LCOR: variants seen among roughly 807,000 people sequenced by gnomAD.
LCOR encodes the protein ligand dependent nuclear receptor corepressor, also known as ligand-dependent corepressor.
Under a neutral mutation model 64.4 loss-of-function variants are expected in LCOR, and 14 were observed. The observed-to-expected ratio is 0.22, with a 90% CI of 0.14 to 0.34. The LOEUF is 0.34. LCOR is among the 10% of genes least tolerant of loss of function. The pLI is 1.00. For synonymous variants in LCOR, 643 were observed against 642.5 expected (o/e 1.00, Z -0.01); for missense variants, 1,686 against 1,765.3 (o/e 0.96, Z 0.80).
At chr10:96,837,317 C>A (rs1010533442) in intron 2 of LCOR, among the ~76,000 whole-genome samples, 4 of 151,922 alleles carry the variant, frequency 2.6e-5, no homozygotes, top group African/African-American at 9.7e-5. Context: ...AGTGCAGTGG[C>A]GTGATCTTGG....
chr10:96,846,401 T>TTGG (rs1393415019), intron 2 of LCOR, among the ~76,000 whole-genome samples: 1 of 152,094 alleles, frequency 6.6e-6, no homozygotes, highest in Non-Finnish European at 1.5e-5. Flanking sequence ...CACAGGTGTG[T>TTGG]ACCACCATGC....
chr10:96,920,528 G>GTA (rs1219545765), intron 4 of LCOR, among the ~76,000 whole-genome samples: 4 of 142,036 alleles, frequency 2.8e-5, no homozygotes, highest in Admixed American at 7.1e-5. Context: ...AGATATATGT[G>GTA]TATATATGTA....
intron 2 of LCOR, among the ~76,000 whole-genome samples, chr10:96,845,448 CCTTTTTTTTTTTTTTTTT>C (rs1845611344): frequency 1.5e-5 from 1 of 67,150 alleles, no homozygotes; most frequent in Non-Finnish European, 2.9e-5. Flanking sequence ...ATGGGCTTAT[CCTTTTTTTTTTTTTTTTT>C]TTTTTTTTTT....
chr10:96,921,480 G>A (rs1007119874), intron 4 of LCOR, among the ~76,000 whole-genome samples: 1 of 151,850 alleles, frequency 6.6e-6, no homozygotes, highest in Non-Finnish European at 1.5e-5. Flanking sequence ...TTATTTTTTG[G>A]AGACGGAGTT....
Position 96,982,662 on chromosome 10 carries a change from G to A in LCOR, c.2202G>A (p.Glu734=), listed in dbSNP as rs1848102730. ...ACCAAAGCATCAGTGCTGAGGTTGA[G>A]TCTGGAGACACCCAGGAGCTAAATG... The part of the protein sequence containing the change: ...EDNQSISAEV[E]SGDTQELNVD... Residue 734 remains glutamate, a synonymous_variant, in exon 8 of 8, where the codon GAG becomes GAA. Coordinates refer to ENST00000421806, the MANE Select transcript of LCOR (RefSeq NM_001346516.2). 1.9e-6 allele frequency: 3 copies of A among 1,614,192 alleles called. No homozygotes were observed.
chr10:96,893,744 C>CAG (rs1187158164), intron 2 of LCOR, among the ~76,000 whole-genome samples: 1 of 143,366 alleles, frequency 7.0e-6, no homozygotes, highest in Non-Finnish European at 1.5e-5. Flanking sequence ...GCCTGGGTGA[C>CAG]AGAGCAAGAC....
chr10:96,952,191 G>A lies in LCOR; in HGVS notation c.327G>A (p.Gly109=). ...CTCCAGGCTGCTCCAGTACTCAAGG[G>A]AACGGGTAAGGGAGAATATTTGTAG... ...SHSPGCSSTQ[G]NGENSTEAKA... Residue 109 remains glycine, a synonymous_variant, in exon 7 of 8, where the codon GGG becomes GGA. Transcript: ENST00000421806. 7.5e-6 allele frequency: 12 copies of A among 1,608,652 alleles called. No individual in the cohort carries two copies. The highest frequency in any genetic ancestry group is 1.0e-5 in the Non-Finnish European group (12 of 1,175,116).
intron 7 of LCOR, among the ~76,000 whole-genome samples, chr10:96,966,382 A>C (rs909857222): frequency 9.9e-5 from 15 of 151,550 alleles, no homozygotes; most frequent in African/African-American, 2.2e-4. Context: ...GCGCCCGCCA[A>C]CACGCCCGGC....
rs114376724 is a variant in LCOR at position 96,915,875 on chromosome 10, G to C, written c.-184+8128G>C. ...CTTTAACTTGGCATTATCTCCTTTA[G>C]CATCCCCTTCAGCCTTTCTCTAGGC... is the stretch of plus-strand genomic sequence containing the variant. On this transcript the variant is annotated intron_variant, in intron 4 of 7. Coordinates refer to ENST00000421806, the MANE Select transcript of LCOR (RefSeq NM_001346516.2). 608 of 470,676 alleles carry C rather than the reference G, an allele frequency of 1.3e-3. 3 individuals carry two copies. The highest frequency in any genetic ancestry group is 0.012 in the African/African-American group (579 of 49,798). The allele number at this position is 470,676 out of a possible 1,614,324, so 29.2% of individuals were successfully genotyped here.
rs1848092466 is a variant in LCOR, at chr10:96,982,016, T to C, written c.1556T>C (p.Leu519Pro). The change falls in exon 8 of 8, where the codon CTG becomes CCG. Residue 519 changes from leucine (L) to proline (P), a missense_variant. Coordinates refer to ENST00000421806, the MANE Select transcript of LCOR (RefSeq NM_001346516.2). ...TGTGAGCTGCCAACTGTTCGTACAC[T>C]GGCCAGAAATTTACACTCCCAGGAA... The part of the protein sequence containing the change: ...DCCELPTVRT[L>P]ARNLHSQEKA... 1.1e-5 allele frequency: 18 copies of C among 1,614,106 alleles called. No homozygotes were observed. The highest frequency in any genetic ancestry group is 1.5e-5 in the Non-Finnish European group (18 of 1,180,046).
intron 4 of LCOR, among the ~76,000 whole-genome samples, chr10:96,926,405 T>C (rs1404528875): frequency 6.6e-6 from 1 of 152,228 alleles, no homozygotes; most frequent in East Asian, 1.9e-4. Flanking sequence ...AGTGAAGTTT[T>C]GAAAATAATC....
At chr10:96,875,378 A>T (rs1347710166) in intron 2 of LCOR, among the ~76,000 whole-genome samples, 1 of 149,938 alleles carries the variant, frequency 6.7e-6, no homozygotes, top group African/African-American at 2.4e-5. Flanking sequence ...GTCTCAAATA[A>T]AAAAAAAAAT....
At chr10:96,890,479 T>C (rs1013972443) in intron 2 of LCOR, among the ~76,000 whole-genome samples, 1 of 152,226 alleles carries the variant, frequency 6.6e-6, no homozygotes, top group Non-Finnish European at 1.5e-5. Flanking sequence ...TTCTTTAGAA[T>C]TATGTATATA....
intron 2 of LCOR, among the ~76,000 whole-genome samples, chr10:96,880,205 C>G (rs1029978499): frequency 1.3e-5 from 2 of 152,142 alleles, no homozygotes; most frequent in Non-Finnish European, 2.9e-5. Flanking sequence ...GTACACACTC[C>G]TCTTTAATAA....
At chr10:96,978,584 C>G (rs1286168623) in intron 7 of LCOR, among the ~76,000 whole-genome samples, 1 of 152,202 alleles carries the variant, frequency 6.6e-6, no homozygotes, top group Non-Finnish European at 1.5e-5. Flanking sequence ...TAGGCATTTT[C>G]TATGACATTT....
At chr10:96,912,882 TCTCC>T (rs1846868921) in intron 4 of LCOR, among the ~76,000 whole-genome samples, 1 of 150,144 alleles carries the variant, frequency 6.7e-6, no homozygotes, top group Non-Finnish European at 1.5e-5. Flanking sequence ...ACTTCTCTTT[TCTCC>T]CTATGTTGTT....
intron 1 of LCOR, chr10:96,832,966 G>C: frequency 4.1e-6 from 4 of 983,484 alleles, no homozygotes; most frequent in Non-Finnish European, 4.8e-6. Flanking sequence ...TGCGAAGCGT[G>C]AGGTGGAGAT....
At chr10:96,915,746 G>A (rs1846930654) in intron 4 of LCOR, 1 of 645,468 alleles carries the variant, frequency 1.5e-6, no homozygotes, top group Non-Finnish European at 2.9e-6. Context: ...TTTCCCTTTG[G>A]GTACCTTCTC....
At chr10:96,864,294 CAT>C (rs1301492084) in intron 2 of LCOR, among the ~76,000 whole-genome samples, 2 of 152,168 alleles carry the variant, frequency 1.3e-5, no homozygotes. Context: ...AGTAATGACT[CAT>C]AGATGGTAAT....
Sources: allele counts gnomAD v4.1 joint callset (sites outside exome capture counted in the v4.1 genomes callset), GRCh38; gene constraint gnomAD v4.1.1; transcripts MANE v1.5; gene names NCBI Gene and HGNC (gene_info 2026-07-23, HGNC 2026-07-21).